The following IL34 variants were observed in gnomAD, a reference collection of about 807,000 sequenced individuals.
IL34 encodes interleukin-34.
A neutral mutation model predicts 25.3 loss-of-function variants in IL34; 17 were observed. The ratio of observed to expected loss-of-function variants is 0.67; its 90% CI spans 0.46 to 1.01. The LOEUF is 1.01. Among genes scored for constraint, IL34 ranks in the 50% least tolerant of loss-of-function variants. The probability of loss-of-function intolerance (pLI) is 0.00; values close to 1 mark genes in which losing one functional copy is unlikely to be tolerated. For synonymous variants in IL34, 174 were observed against 140.9 expected (o/e 1.23, Z -1.66); for missense variants, 368 against 312.9 (o/e 1.18, Z -1.33).
In IL34 at chr16:70,657,037, G is replaced by A. The variant is rs1265313330; in HGVS notation, c.318G>A (p.Gln106=). ...LVSLSATESV[Q]DVLLEGHPSW... ...GCCTCAGTGCCACTGAGTCGGTGCA[G>A]GACGTGCTGCTCGAGGGCCACCCAT... Residue 106 remains glutamine, a synonymous_variant, in exon 4 of 6, where the codon CAG becomes CAA. Coordinates refer to ENST00000288098, the MANE Select transcript of IL34 (RefSeq NM_001393494.1). 6.2e-7 allele frequency: 1 copy of A among 1,612,690 alleles called. No homozygotes were observed. The highest frequency in any genetic ancestry group is 8.5e-7 in the Non-Finnish European group (1 of 1,180,010).
intron 1 of IL34, among the ~76,000 whole-genome samples, chr16:70,641,432 C>T (rs940546503): frequency 1.3e-5 from 2 of 152,140 alleles, no homozygotes; most frequent in Admixed American, 6.5e-5. Context: ...CCATCAATTA[C>T]ACCTCAATAA....
intron 1 of IL34, among the ~76,000 whole-genome samples, chr16:70,650,517 T>C (rs960319603): frequency 1.3e-5 from 2 of 152,004 alleles, no homozygotes; most frequent in Non-Finnish European, 2.9e-5. Context: ...GGGCAGGTGC[T>C]GTAGGGTTGG....
At chr16:70,595,982 G>A (rs2050816701) in intron 1 of IL34, among the ~76,000 whole-genome samples, 1 of 150,932 alleles carries the variant, frequency 6.6e-6, no homozygotes, top group Admixed American at 6.6e-5. Context: ...CTGCACTCCA[G>A]CATGGGCGAC....
At chr16:70,653,083 G>A (rs980370981) in intron 1 of IL34, among the ~76,000 whole-genome samples, 1 of 152,160 alleles carries the variant, frequency 6.6e-6, no homozygotes, top group Non-Finnish European at 1.5e-5. Context: ...GCCCCTGCTT[G>A]TAATCCCAGC....
At chr16:70,640,421 C>A (rs1048383691) in intron 1 of IL34, among the ~76,000 whole-genome samples, 1 of 151,922 alleles carries the variant, frequency 6.6e-6, no homozygotes, top group Admixed American at 6.6e-5. Context: ...GCCAGGAGAT[C>A]AAGAGCAGCC....
At chr16:70,623,587 G>A (rs902043772) in intron 1 of IL34, among the ~76,000 whole-genome samples, 1 of 152,002 alleles carries the variant, frequency 6.6e-6, no homozygotes. Flanking sequence ...GATGGTAAGG[G>A]GTGCATGATC....
intron 1 of IL34, among the ~76,000 whole-genome samples, chr16:70,610,075 G>A (rs940432512): frequency 3.3e-5 from 5 of 152,082 alleles, no homozygotes; most frequent in African/African-American, 7.2e-5. Flanking sequence ...GGTGGCGGGC[G>A]CCTGTAATCC....
chr16:70,646,010 G>T (rs369298920), upstream of IL34, among the ~76,000 whole-genome samples: 2 of 152,116 alleles, frequency 1.3e-5, no homozygotes, highest in African/African-American at 4.8e-5. Flanking sequence ...CCAAAATCAC[G>T]CCACTGCACT....
intron 1 of IL34, among the ~76,000 whole-genome samples, chr16:70,588,933 T>C (rs2050722689): frequency 6.6e-6 from 1 of 152,164 alleles, no homozygotes; most frequent in African/African-American, 2.4e-5. Context: ...TATAAAGTTT[T>C]GGTTTTATAA....
intron 1 of IL34, among the ~76,000 whole-genome samples, chr16:70,635,848 A>T: frequency 6.6e-6 from 1 of 152,162 alleles, no homozygotes; most frequent in Non-Finnish European, 1.5e-5. Flanking sequence ...ATGCCAGCTC[A>T]TGTTCTAAGT....
At chr16:70,622,671 G>C (rs909852407) in intron 1 of IL34, among the ~76,000 whole-genome samples, 1 of 152,048 alleles carries the variant, frequency 6.6e-6, no homozygotes, top group African/African-American at 2.4e-5. Flanking sequence ...GGAATAATGT[G>C]GGGGGCCAGA....
intron 1 of IL34, among the ~76,000 whole-genome samples, chr16:70,618,428 G>A (rs1046241737): frequency 7.2e-5 from 11 of 152,064 alleles, no homozygotes; most frequent in Non-Finnish European, 1.3e-4. Flanking sequence ...ATAGCTGAAG[G>A]AGCCGGGAAG....
At chr16:70,642,437 A>G (rs969904812), upstream of IL34, among the ~76,000 whole-genome samples, 8 of 151,292 alleles carry the variant, frequency 5.3e-5, no homozygotes, top group African/African-American at 1.2e-4. Flanking sequence ...AGCTGGGATT[A>G]CAGGCACCTG....
chr16:70,601,330 C>G (rs1053547610), intron 1 of IL34, among the ~76,000 whole-genome samples: 1 of 152,116 alleles, frequency 6.6e-6, no homozygotes, highest in Non-Finnish European at 1.5e-5. Flanking sequence ...TGTTCTTGAA[C>G]TCCTGGCCTC....
intron 1 of IL34, among the ~76,000 whole-genome samples, chr16:70,647,838 A>G (rs2051978731): frequency 6.6e-6 from 1 of 152,204 alleles, no homozygotes; most frequent in Non-Finnish European, 1.5e-5. Flanking sequence ...GATGGGTGGA[A>G]GGACCCAGCT....
chr16:70,633,420 A>G (rs1311851465), intron 1 of IL34, among the ~76,000 whole-genome samples: 3 of 135,710 alleles, frequency 2.2e-5, no homozygotes, highest in Non-Finnish European at 5.0e-5. Context: ...TGCCTGGCTA[A>G]TTAAAAAAAA....
At chr16:70,637,458 C>T (rs2051680771) in intron 1 of IL34, among the ~76,000 whole-genome samples, 2 of 152,136 alleles carry the variant, frequency 1.3e-5, no homozygotes, top group Admixed American at 6.5e-5. Context: ...AAGTAATTCT[C>T]CTGCCTCAGC....
intron 1 of IL34, among the ~76,000 whole-genome samples, chr16:70,621,116 G>A (rs941707967): frequency 6.6e-6 from 1 of 152,064 alleles, no homozygotes; most frequent in Non-Finnish European, 1.5e-5. Context: ...GTCGCTAAGG[G>A]TGAAGGAGAA....
At chr16:70,647,718 T>G (rs2051975065) in intron 1 of IL34, among the ~76,000 whole-genome samples, 1 of 152,126 alleles carries the variant, frequency 6.6e-6, no homozygotes, top group African/African-American at 2.4e-5. Flanking sequence ...CAGGGTTGAG[T>G]GCTCAGGAAC....
Sources: allele counts gnomAD v4.1 joint callset (sites outside exome capture counted in the v4.1 genomes callset), GRCh38; gene constraint gnomAD v4.1.1; transcripts MANE v1.5; gene names NCBI Gene and HGNC (gene_info 2026-07-23, HGNC 2026-07-21).